Variants in MINK1 observed in about 807,000 individuals in gnomAD.
The protein encoded by MINK1 is misshapen-like kinase 1.
A neutral mutation model predicts 178.4 loss-of-function variants in MINK1; 46 were observed. The observed-to-expected ratio is 0.26, with a 90% CI of 0.20 to 0.33. The LOEUF (loss-of-function observed/expected upper bound fraction) is 0.33. Among genes scored for constraint, MINK1 ranks in the 10% least tolerant of loss-of-function variants. MINK1 has a pLI of 1.00. For missense variants in MINK1, 1,366 were observed against 1,814.9 expected (o/e 0.75, Z 4.49); for synonymous variants, 797 against 709.7 (o/e 1.12, Z -1.96).
At chr17:4,851,130 A>G (rs1911885866) in intron 1 of MINK1, 2 of 418,710 alleles carry the variant, frequency 4.8e-6, no homozygotes, top group Admixed American at 5.2e-5. Context: ...AGTAACGCCA[A>G]CAGTTTTGGT....
intron 12 of MINK1, 52 bp from the exon 13 acceptor site, chr17:4,889,590 GGCAGT>G: frequency 7.1e-7 from 1 of 1,399,894 alleles, no homozygotes; most frequent in Non-Finnish European, 9.9e-7. Flanking sequence ...TCCATGGAGG[GGCAGT>G]GCTGACGCGA....
rs1968301174 is a variant in MINK1 at position 4,887,253 on chromosome 17, G to A, written c.1019+74G>A. On this transcript the variant is annotated intron_variant, in intron 11 of 31. Transcript: ENST00000355280. The surrounding 1 kb of genome is among the most constrained non-coding windows in gnomAD (Gnocchi z 7.6). ...GGGGACTACAGTGGTGCTTGGCTTT[G>A]GGGACTCTCAGCCTGGGGGTGGTGG... 1.0e-5 allele frequency: 15 copies of A among 1,454,788 alleles called. No individual in the cohort carries two copies. Among genetic ancestry groups the A allele is most frequent in the Non-Finnish European group, 1.3e-5 (14 of 1,060,792 alleles). 90.1% of individuals were successfully genotyped at this position (1,454,788 alleles called of 1,614,324 possible).
intron 1 of MINK1, among the ~76,000 whole-genome samples, chr17:4,847,482 A>G (rs1435771509): frequency 2.6e-5 from 4 of 152,222 alleles, no homozygotes; most frequent in Non-Finnish European, 5.9e-5. Context: ...CGAGGACTGT[A>G]GGATGATAGG....
chr17:4,895,811 G>A lies in MINK1; in HGVS notation c.3343G>A (p.Gly1115Ser). ...QGWTTVGDME[G>S]CGHYRVVKYE... is the part of the protein sequence containing the mutation. ...CTGGACCACCGTGGGGGACATGGAG[G>A]GCTGCGGGCACTACCGTGTTGGTGA... Residue 1115 changes from glycine to serine, a missense_variant, in exon 27 of 32, where the codon GGC (glycine) becomes AGC (serine). Physicochemically the swap from Gly to Ser is moderately conservative, Grantham distance 56 (BLOSUM62 0). This residue lies in a region of MINK1 where 77 missense variants were observed against 119.5 expected (regional missense o/e 0.64). Transcript: ENST00000355280. This position sits in a 1 kb window ranked among gnomAD's most constrained non-coding sequence, Gnocchi z 4.3. The A allele has an allele frequency of 1.2e-6, 2 of 1,613,726 alleles. No individual in the cohort carries two copies.
chr17:4,890,989 T>C lies in MINK1; in HGVS notation c.1605T>C (p.Ser535=). The stretch of plus-strand genomic sequence containing the variant: ...CAAGGATGAACAAGCAGCAGAACTC[T>C]CCCTTGGCCAAGAGCAAGCCAGGCA... ...ERTRMNKQQN[S]PLAKSKPGST... Residue 535 remains serine (S), a synonymous_variant, in exon 15 of 32, where the codon TCT becomes TCC. Coordinates refer to ENST00000355280, the MANE Select transcript of MINK1 (RefSeq NM_153827.5). 2 of 1,560,320 alleles carry C rather than the reference T, an allele frequency of 1.3e-6. No homozygotes were observed. Among genetic ancestry groups the C allele is most frequent in the Non-Finnish European group, 1.7e-6 (2 of 1,152,258 alleles).
chr17:4,878,221 C>A, intron 1 of MINK1, 96 bp from the exon 2 acceptor site: 1 of 1,119,072 alleles, frequency 8.9e-7, no homozygotes, highest in Non-Finnish European at 1.3e-6. Flanking sequence ...CTGGTCTTCA[C>A]TCCCATATCT....
rs1968164562 is a variant in MINK1 at position 4,886,029 on chromosome 17, GGGA to G, written c.694+70_694+72del. ...AGGAAGGGCCCAGAGAGTGGCTGTA[GGGA>G]GGAGGTGGGTCCTGGGACCCTGCCG... is the stretch of plus-strand genomic sequence containing the variant. On this transcript the variant is annotated intron_variant, in intron 8 of 31. Transcript: ENST00000355280. This position sits in a 1 kb window ranked among gnomAD's most constrained non-coding sequence, Gnocchi z 6.1. 1 of 1,609,154 alleles carries G rather than the reference GGGA, an allele frequency of 6.2e-7. No individual in the cohort carries two copies. The highest frequency in any genetic ancestry group is 1.7e-5 in the Admixed American group (1 of 59,984).
rs372832168 is a variant in MINK1 at position 4,894,327 on chromosome 17, G to T, written c.2808+16G>T. ...GAGTGGTGACGTAAGTGGGCCGGAGGCAGGTCCGCCGGGAGAGAAGAGCCC... is the reference window on the plus strand; with the variant it reads ...GAGTGGTGACGTAAGTGGGCCGGAGTCAGGTCCGCCGGGAGAGAAGAGCCC... On this transcript the variant is annotated intron_variant, in intron 23 of 31. Transcript: ENST00000355280. This position sits in a 1 kb window ranked among gnomAD's most constrained non-coding sequence, Gnocchi z 4.1. 2.5e-6 allele frequency: 4 copies of T among 1,608,792 alleles called. No homozygotes were observed. Among genetic ancestry groups the T allele is most frequent in the Non-Finnish European group, 3.4e-6 (4 of 1,178,388 alleles).
intron 13 of MINK1, chr17:4,890,194 GCCCCCCA>G: frequency 6.5e-6 from 5 of 774,470 alleles, no homozygotes; most frequent in Non-Finnish European, 8.8e-6. Flanking sequence ...CCTGCCCTCT[GCCCCCCA>G]CCCCACACCC....
rs1204151710 is a variant in MINK1 at position 4,894,642 on chromosome 17, A to G, written c.2917+9A>G. The G allele has an allele frequency of 2.5e-6, 4 of 1,586,690 alleles. No individual in the cohort carries two copies. On this transcript the variant is annotated intron_variant, in intron 24 of 31. Transcript: ENST00000355280. The surrounding 1 kb of genome is among the most constrained non-coding windows in gnomAD (Gnocchi z 4.1). ...CAGCATCCCCATCACAGGTGAGGAC[A>G]GGAGGACAGACCTGCTGTGAGGCCA...
chr17:4,851,780 C>T (rs1354967856), intron 1 of MINK1, among the ~76,000 whole-genome samples: 1 of 152,072 alleles, frequency 6.6e-6, no homozygotes, highest in Non-Finnish European at 1.5e-5. Context: ...GTGGGTGGAT[C>T]ACCTGAGGTC....
intron 1 of MINK1, among the ~76,000 whole-genome samples, chr17:4,839,234 T>C (rs891173731): frequency 7.9e-5 from 12 of 152,206 alleles, no homozygotes; most frequent in Admixed American, 2.6e-4. Context: ...CGAGCCACCG[T>C]GCCCGGCCTA....
chr17:4,885,114 G>GGAGTGAGC lies in MINK1; in HGVS notation c.508+112_508+113insGAGTGAGC. On this transcript the variant is annotated intron_variant, in intron 6 of 31. Coordinates refer to ENST00000355280, the MANE Select transcript of MINK1 (RefSeq NM_153827.5). This position sits in a 1 kb window ranked among gnomAD's most constrained non-coding sequence, Gnocchi z 5.0. ...GCCCAACTCCCTTCCTACTGGGGAG[G>GGAGTGAGC]CTCACTCCCTCCCCTTTCCCCTCTC... 1.0e-6 allele frequency: 1 copy of GGAGTGAGC among 960,510 alleles called. No individual in the cohort carries two copies. The highest frequency in any genetic ancestry group is 1.6e-6 in the Non-Finnish European group (1 of 627,980). The allele number at this position is 960,510 out of a possible 1,614,324, so 59.5% of individuals were successfully genotyped here.
intron 1 of MINK1, among the ~76,000 whole-genome samples, chr17:4,874,705 G>A (rs1967016155): frequency 6.6e-6 from 1 of 152,116 alleles, no homozygotes; most frequent in Non-Finnish European, 1.5e-5. Flanking sequence ...TCTGGGTGGG[G>A]AGGGGGTGAG....
At chr17:4,873,228 A>T (rs1966880819) in intron 1 of MINK1, among the ~76,000 whole-genome samples, 1 of 152,150 alleles carries the variant, frequency 6.6e-6, no homozygotes, top group Non-Finnish European at 1.5e-5. Flanking sequence ...TCTTACACTC[A>T]CGAATGTCTG....
At chr17:4,897,161 C>CT in intron 31 of MINK1, 43 bp from the exon 32 acceptor site, 1 of 1,562,334 alleles carries the variant, frequency 6.4e-7, no homozygotes, top group Non-Finnish European at 8.8e-7. Flanking sequence ...GAGACACCCC[C>CT]CCAACCTCAG....
intron 1 of MINK1, among the ~76,000 whole-genome samples, chr17:4,849,412 G>A (rs1250445024): frequency 1.3e-5 from 2 of 152,318 alleles, no homozygotes; most frequent in African/African-American, 4.8e-5. Flanking sequence ...TGTATAAAGA[G>A]CTTTATTGAA....
In MINK1 at chr17:4,886,668, C is replaced by T; in HGVS notation, c.949+42C>T. On this transcript the variant is annotated intron_variant, in intron 10 of 31. Transcript: ENST00000355280. This position sits in a 1 kb window ranked among gnomAD's most constrained non-coding sequence, Gnocchi z 6.1. Reference sequence around the variant, plus strand: ...GAGGGGGCAGGTACTAGGGGACACTCCAGCCTGGCTCCTCTCTGCCAGCCC... The same window carrying T: ...GAGGGGGCAGGTACTAGGGGACACTTCAGCCTGGCTCCTCTCTGCCAGCCC... The T allele has an allele frequency of 6.6e-7, 1 of 1,509,078 alleles. No individual in the cohort carries two copies. Among genetic ancestry groups the T allele is most frequent in the Non-Finnish European group, 8.9e-7 (1 of 1,129,798 alleles). The allele number at this position is 1,509,078 out of a possible 1,614,324, so 93.5% of individuals were successfully genotyped here. A position where few individuals can be genotyped will look rare whatever the true frequency, so the allele number is the denominator to read the frequency against.
At chr17:4,888,609 G>A (rs1968445446) in intron 12 of MINK1, among the ~76,000 whole-genome samples, 1 of 150,338 alleles carries the variant, frequency 6.7e-6, no homozygotes, top group African/African-American at 2.4e-5. Context: ...CTGGCCTGGG[G>A]AACAGAGCAA....
Sources: allele counts gnomAD v4.1 joint callset (sites outside exome capture counted in the v4.1 genomes callset), GRCh38; gene constraint gnomAD v4.1.1; regional missense constraint gnomAD v4.1.1; non-coding constraint Gnocchi (gnomAD v3.1); transcripts MANE v1.5; gene names NCBI Gene and HGNC (gene_info 2026-07-23, HGNC 2026-07-21).